The following LARP4 variants were observed in gnomAD, a reference collection of about 807,000 sequenced individuals.
The protein encoded by LARP4 is la-related protein 4.
Under a neutral mutation model 92.9 loss-of-function variants are expected in LARP4, and 29 were observed. The observed-to-expected ratio is 0.31, with a 90% CI of 0.23 to 0.43. The LOEUF (loss-of-function observed/expected upper bound fraction) is 0.43. Ranked by LOEUF, LARP4 falls within the 20% of genes least tolerant of loss-of-function variation. The pLI is 1.00. For synonymous variants in LARP4, 279 were observed against 284.1 expected, an observed-to-expected ratio of 0.98 and a Z score of 0.18; for missense variants, 732 against 860.0, an observed-to-expected ratio of 0.85 and a Z score of 1.86.
intron 1 of LARP4, among the ~76,000 whole-genome samples, chr12:50,407,739 A>G (rs1228576482): frequency 6.6e-6 from 1 of 152,106 alleles, no homozygotes; most frequent in Non-Finnish European, 1.5e-5. Flanking sequence ...TGGGAGGCTG[A>G]GGCACACCTT....
rs755450808 is a variant in LARP4 at position 50,478,898 on chromosome 12, A to C, written c.*3034A>C. On this transcript the variant is annotated 3_prime_UTR_variant, in exon 16 of 16. Coordinates refer to ENST00000398473, the MANE Select transcript of LARP4 (RefSeq NM_052879.5). ...GCTTTCAATGATAAAGGTTTGTTGT[A>C]GTTGTCTTATGTGCTGAATTTGCAG... 6.6e-6 allele frequency: 1 copy of C among 152,148 alleles called. No homozygotes were observed. Among genetic ancestry groups the C allele is most frequent in the Non-Finnish European group, 1.5e-5 (1 of 68,002 alleles). 9.4% of individuals were successfully genotyped at this position (152,148 alleles called of 1,614,324 possible). A position where few individuals can be genotyped will look rare whatever the true frequency, so the allele number is the denominator to read the frequency against.
intron 10 of LARP4, among the ~76,000 whole-genome samples, chr12:50,456,090 T>C (rs1205152545): frequency 3.9e-5 from 6 of 152,004 alleles, no homozygotes; most frequent in Admixed American, 2.6e-4. Flanking sequence ...CGCTCCCCCC[T>C]CCAAAAAATA....
intron 6 of LARP4, among the ~76,000 whole-genome samples, chr12:50,439,162 C>T (rs2137548120): frequency 6.6e-6 from 1 of 152,232 alleles, no homozygotes; most frequent in Non-Finnish European, 1.5e-5. Flanking sequence ...TGTTCTCAAG[C>T]CTCTGCGCTC....
intron 1 of LARP4, among the ~76,000 whole-genome samples, chr12:50,406,576 G>C (rs7133488): frequency 0.7 from 106,321 of 152,088 alleles, 43,951 homozygotes; most frequent in Non-Finnish European, 0.93. Context: ...CACAGGTACA[G>C]TCATGGCACA....
intron 8 of LARP4, among the ~76,000 whole-genome samples, chr12:50,453,016 C>A (rs1953523103): frequency 6.6e-6 from 1 of 151,756 alleles, no homozygotes; most frequent in South Asian, 2.1e-4. Flanking sequence ...CTCAAGCAGT[C>A]CTCCCCACTC....
At chr12:50,408,266 C>T (rs566807599) in intron 1 of LARP4, among the ~76,000 whole-genome samples, 15 of 127,870 alleles carry the variant, frequency 1.2e-4, no homozygotes, top group African/African-American at 3.1e-4. Context: ...GGTGTGATCT[C>T]AGCTCACTGC....
intron 6 of LARP4, among the ~76,000 whole-genome samples, chr12:50,438,354 A>G (rs901342182): frequency 5.3e-5 from 8 of 152,076 alleles, no homozygotes; most frequent in African/African-American, 1.9e-4. Context: ...AAAATTAGCC[A>G]GGCATGGTGG....
intron 13 of LARP4, among the ~76,000 whole-genome samples, chr12:50,467,404 C>T (rs1003711503): frequency 6.6e-6 from 1 of 151,920 alleles, no homozygotes; most frequent in South Asian, 2.1e-4. Context: ...GATTCTCCTG[C>T]CTCAGCCTCC....
chr12:50,407,172 C>G (rs764457230), intron 1 of LARP4, among the ~76,000 whole-genome samples: 1 of 152,106 alleles, frequency 6.6e-6, no homozygotes, highest in African/African-American at 2.4e-5. Flanking sequence ...ACTACAGGCG[C>G]GTACCACCAC....
intron 7 of LARP4, 64 bp downstream of exon 7, chr12:50,440,613 T>C: frequency 9.1e-7 from 1 of 1,100,056 alleles, no homozygotes; most frequent in Non-Finnish European, 1.4e-6. Context: ...TGGTATATTT[T>C]AATTGAGAAA....
Position 50,479,043 on chromosome 12 carries a change from A to C in LARP4, c.*3179A>C, listed in dbSNP as rs529078620. The C allele has an allele frequency of 1.7e-3, 258 of 152,740 alleles. No homozygotes were observed. Among genetic ancestry groups the C allele is most frequent in the South Asian group, 3.1e-3 (15 of 4,828 alleles). The allele number at this position is 152,740 out of a possible 1,614,324, so 9.5% of individuals were successfully genotyped here. On this transcript the variant is annotated 3_prime_UTR_variant, in exon 16 of 16. Transcript: ENST00000398473. ...AAACAGGTTTGCTTTGGAAAGGCTT[A>C]ATGATGGAATGTTAGCATCTTCACT...
intron 6 of LARP4, 80 bp from the exon 7 acceptor site, chr12:50,440,359 A>G: frequency 2.1e-6 from 2 of 970,582 alleles, no homozygotes; most frequent in Non-Finnish European, 3.3e-6. Context: ...TAGGCTTAAC[A>G]TTACTAGTAA....
intron 8 of LARP4, among the ~76,000 whole-genome samples, chr12:50,444,780 CA>C (rs1486028003): frequency 6.6e-6 from 1 of 152,188 alleles, no homozygotes; most frequent in Non-Finnish European, 1.5e-5. Context: ...CATTCTGTTT[CA>C]ATTGTGATTT....
intron 2 of LARP4, among the ~76,000 whole-genome samples, chr12:50,428,160 C>T (rs1949097055): frequency 6.6e-6 from 1 of 151,866 alleles, no homozygotes; most frequent in Admixed American, 6.6e-5. Flanking sequence ...TATCTCATGC[C>T]TGTAATCCCA....
chr12:50,430,478 T>C lies in LARP4; in HGVS notation c.323-17T>C. Reference sequence around the variant, plus strand: ...ACATGCTATTAACTTTTTTTCCCTCTTCTTTTCTACCATCAGGAGAAAGCA... The same window carrying C: ...ACATGCTATTAACTTTTTTTCCCTCCTCTTTTCTACCATCAGGAGAAAGCA... On this transcript the variant is annotated splice_polypyrimidine_tract_variant and intron_variant, in intron 3 of 15. Transcript: ENST00000398473. 6.6e-7 allele frequency: 1 copy of C among 1,522,402 alleles called. No homozygotes were observed. Among genetic ancestry groups the C allele is most frequent in the Non-Finnish European group, 9.0e-7 (1 of 1,106,942 alleles). 94.3% of individuals were successfully genotyped at this position (1,522,402 alleles called of 1,614,324 possible). A position where few individuals can be genotyped will look rare whatever the true frequency, so the allele number is the denominator to read the frequency against.
At chr12:50,411,068 T>TTA (rs1473187174) in intron 1 of LARP4, among the ~76,000 whole-genome samples, 5 of 152,326 alleles carry the variant, frequency 3.3e-5, no homozygotes, top group African/African-American at 1.2e-4. Flanking sequence ...TTCCTTGCTG[T>TTA]TCAAAGTGTT....
intron 4 of LARP4, among the ~76,000 whole-genome samples, chr12:50,434,939 T>A (rs1950203242): frequency 6.6e-6 from 1 of 152,134 alleles, no homozygotes; most frequent in East Asian, 1.9e-4. Flanking sequence ...TCCCAGCTAC[T>A]CGGGAGGCTG....
intron 1 of LARP4, among the ~76,000 whole-genome samples, chr12:50,411,281 G>A (rs1945842319): frequency 6.6e-6 from 1 of 151,664 alleles, no homozygotes; most frequent in South Asian, 2.1e-4. Flanking sequence ...TGCCTCCCTG[G>A]TTCAAGTGAC....
At chr12:50,436,350 G>T (rs1593080418) in intron 5 of LARP4, among the ~76,000 whole-genome samples, 1 of 151,896 alleles carries the variant, frequency 6.6e-6, no homozygotes, top group Non-Finnish European at 1.5e-5. Context: ...CTGCACCTTG[G>T]TTGTTTATCA....
Sources: gnomAD v4.1 joint callset for allele counts (sites outside exome capture counted in the v4.1 genomes callset) on GRCh38, gnomAD v4.1.1 for gene constraint, MANE v1.5 for transcripts, NCBI Gene and HGNC (gene_info 2026-07-23, HGNC 2026-07-21) for gene names.